Variants in ACACB observed in about 807,000 individuals in gnomAD.
The protein encoded by ACACB is acetyl-CoA carboxylase beta, also known as acetyl-CoA carboxylase 2.
A neutral mutation model predicts 278.8 loss-of-function variants in ACACB; 209 were observed. The ratio of observed to expected loss-of-function variants is 0.75; its 90% CI spans 0.67 to 0.84. The LOEUF is 0.84. Among genes scored for constraint, ACACB ranks in the 40% least tolerant of loss-of-function variants. ACACB has a pLI of 0.00. For synonymous variants in ACACB, 1,174 were observed against 1,285.6 expected (o/e 0.91, Z 1.86); for missense variants, 2,850 against 3,269.0 (o/e 0.87, Z 3.13).
intron 28 of ACACB, among the ~76,000 whole-genome samples, chr12:109,228,131 T>C (rs1201416788): frequency 6.8e-6 from 1 of 147,052 alleles, no homozygotes; most frequent in Non-Finnish European, 1.5e-5. Flanking sequence ...AGGTCAGGGG[T>C]TCGAGACCAG....
At chr12:109,114,180 C>T (rs1306689414), upstream of ACACB, among the ~76,000 whole-genome samples, 2 of 152,048 alleles carry the variant, frequency 1.3e-5, no homozygotes, top group African/African-American at 4.8e-5. Context: ...GCTAAGTTGC[C>T]CAGGCTAGGG....
intron 22 of ACACB, among the ~76,000 whole-genome samples, chr12:109,215,104 G>GA (rs1329283949): frequency 5.3e-4 from 72 of 136,664 alleles, no homozygotes; most frequent in Non-Finnish European, 7.6e-4. Context: ...TCAAAAAAAA[G>GA]AAAAAAAAAA....
At chr12:109,130,798 A>G (rs1456469975) in intron 1 of ACACB, among the ~76,000 whole-genome samples, 1 of 151,884 alleles carries the variant, frequency 6.6e-6, no homozygotes, top group Non-Finnish European at 1.5e-5. Flanking sequence ...GCCCCTGACC[A>G]CCCCCTCTTT....
intron 21 of ACACB, among the ~76,000 whole-genome samples, chr12:109,210,210 T>TATATACACACGTGTGTGTATATGTAC (rs1555222963): frequency 2.4e-5 from 1 of 40,840 alleles, no homozygotes; most frequent in Non-Finnish European, 4.5e-5. Flanking sequence ...TATATATGTA[T>TATATACACACGTGTGTGTATATGTAC]ATATACACAC....
chr12:109,192,037 A>G (rs2044911004), intron 15 of ACACB, 87 bp downstream of exon 15: 1 of 1,390,996 alleles, frequency 7.2e-7, no homozygotes, highest in Non-Finnish European at 1.0e-6. Flanking sequence ...TTGTGTGGCC[A>G]GTTAGTCACC....
At chr12:109,157,272 G>GTTATTATTATTATTATTA (rs71079530) in intron 2 of ACACB, among the ~76,000 whole-genome samples, 4,931 of 143,098 alleles carry the variant, frequency 0.034, 166 homozygotes, top group African/African-American at 0.072. Context: ...TTCTAGAGTT[G>GTTATTATTATTATTATTA]TTATTATTAT....
intron 21 of ACACB, among the ~76,000 whole-genome samples, chr12:109,210,222 T>TATGTATATATGTATATATACACAC (rs2045729585): frequency 8.6e-5 from 1 of 11,576 alleles, no homozygotes; most frequent in East Asian, 3.6e-3. Context: ...TATACACACA[T>TATGTATATATGTATATATACACAC]GTGTGTATAT....
chr12:109,220,339 G>C (rs1017515444), intron 24 of ACACB, among the ~76,000 whole-genome samples: 3 of 152,178 alleles, frequency 2.0e-5, no homozygotes, highest in Non-Finnish European at 4.4e-5. Context: ...GAGAGGTTTT[G>C]AACAAAGACT....
At position 109,250,089 on chromosome 12, in the gene ACACB, C is replaced by A. The variant is rs754971822; in HGVS notation, c.5775C>A (p.Ile1925=). The A allele has an allele frequency of 1.1e-5, 17 of 1,610,524 alleles. No homozygotes were observed. The highest frequency in any genetic ancestry group is 1.4e-5 in the Non-Finnish European group (16 of 1,178,702). ...AGTCCTCTCTGGCTTACGAAGAGAT[C>A]GTCACCATTAGCTTGGTGAGTCTTC... ...AGESSLAYEE[I]VTISLVTCRA... is the part of the protein sequence containing the mutation. The change falls in exon 41 of 53, where the codon ATC becomes ATA. Residue 1925 remains isoleucine, a synonymous_variant. Transcript: ENST00000338432.
In ACACB at chr12:109,227,401, GAGTTAAAC is replaced by G; in HGVS notation, c.3916_3923del (p.Leu1306ProfsTer37). On this transcript the variant is annotated frameshift_variant, in exon 28 of 53. Coordinates refer to ENST00000338432, the MANE Select transcript of ACACB (RefSeq NM_001093.4). LOFTEE classifies it high-confidence loss of function. ...CGTGCGGAGGGGCTACATCGCCTAT[GAGTTAAAC>G]AGCCTGCAGCACCGGCAGCTCCCGG... 6.2e-7 allele frequency: 1 copy of G among 1,613,486 alleles called. No individual in the cohort carries two copies. Among genetic ancestry groups the G allele is most frequent in the Non-Finnish European group, 8.5e-7 (1 of 1,179,730 alleles).
intron 22 of ACACB, among the ~76,000 whole-genome samples, chr12:109,216,193 C>T (rs1365211074): frequency 2.0e-5 from 3 of 149,624 alleles, no homozygotes; most frequent in African/African-American, 7.4e-5. Flanking sequence ...CCTCAGTGTC[C>T]TTTCTAAAAT....
chr12:109,169,551 G>A (rs1003262927), intron 4 of ACACB, among the ~76,000 whole-genome samples: 2 of 152,042 alleles, frequency 1.3e-5, no homozygotes, highest in Non-Finnish European at 2.9e-5. Context: ...TCCATCAGCC[G>A]GGTACCAGTC....
chr12:109,227,096 G>A (rs1055747542), intron 27 of ACACB, among the ~76,000 whole-genome samples: 2 of 151,966 alleles, frequency 1.3e-5, no homozygotes, highest in South Asian at 2.1e-4. Flanking sequence ...GACTACAGGC[G>A]CCTGCCACCA....
chr12:109,166,668 A>AAAAAAAC lies in ACACB; in HGVS notation c.654-187_654-186insCAAAAAA, dbSNP rs1399378894. 8.6e-4 allele frequency among the ~76,000 whole-genome samples: 125 copies of AAAAAAAC among 145,446 alleles called. 18 individuals carry two copies. Among genetic ancestry groups the AAAAAAAC allele is most frequent in the Middle Eastern group, 7.1e-3 (2 of 282 alleles). On this transcript the variant is annotated intron_variant, in intron 2 of 52. Coordinates refer to ENST00000338432, the MANE Select transcript of ACACB (RefSeq NM_001093.4). The stretch of plus-strand genomic sequence containing the variant: ...CCGTCTCAAAAAAAAAAAAAAAAAA[A>AAAAAAAC]AAAAAAAAACCGAAGGTGCTTCCTG...
At chr12:109,153,162 T>C (rs1347249972) in intron 2 of ACACB, among the ~76,000 whole-genome samples, 1 of 151,568 alleles carries the variant, frequency 6.6e-6, no homozygotes, top group Non-Finnish European at 1.5e-5. Flanking sequence ...CTAATTTTTG[T>C]AGTTTTAGTA....
At chr12:109,127,574 G>A (rs1398783355) in intron 1 of ACACB, among the ~76,000 whole-genome samples, 1 of 151,764 alleles carries the variant, frequency 6.6e-6, no homozygotes, top group Non-Finnish European at 1.5e-5. Context: ...ACTCTGGCCT[G>A]GGTGATAGAT....
chr12:109,228,519 G>T (rs1031569493), intron 28 of ACACB, among the ~76,000 whole-genome samples: 1 of 151,162 alleles, frequency 6.6e-6, no homozygotes, highest in East Asian at 2.0e-4. Context: ...TTTGCCAGGC[G>T]TGGTGGCACA....
rs769193222 is a variant in ACACB at position 109,179,914 on chromosome 12, C to T, written c.1648-3C>T. 8.1e-6 allele frequency: 13 copies of T among 1,599,288 alleles called. No homozygotes were observed. The highest frequency in any genetic ancestry group is 1.1e-5 in the Non-Finnish European group (13 of 1,167,838). ...CCCTTGGCCTCTTTCTGTTTCTTCACAGTGTGCCATCCGCCTGGCCAAGAC... is the reference window on the plus strand; with the variant it reads ...CCCTTGGCCTCTTTCTGTTTCTTCATAGTGTGCCATCCGCCTGGCCAAGAC... On this transcript the variant is annotated splice_region_variant and splice_polypyrimidine_tract_variant and intron_variant, in intron 10 of 52. Transcript: ENST00000338432.
intron 15 of ACACB, among the ~76,000 whole-genome samples, chr12:109,192,271 G>A (rs73191121): frequency 0.049 from 7,457 of 152,180 alleles, 344 homozygotes; most frequent in African/African-American, 0.13. Context: ...GAAGCAAAGC[G>A]GCTTAAAGGT....
Sources: gnomAD v4.1 joint callset for allele counts (sites outside exome capture counted in the v4.1 genomes callset) on GRCh38, gnomAD v4.1.1 for gene constraint, MANE v1.5 for transcripts, NCBI Gene and HGNC (gene_info 2026-07-23, HGNC 2026-07-21) for gene names.